PHACTR3: variants seen among roughly 807,000 people sequenced by gnomAD.
PHACTR3 encodes phosphatase and actin regulator 3.
In PHACTR3, 16 loss-of-function variants were observed where a neutral mutation model predicts 66.8. That is an observed-to-expected ratio of 0.24 (90% CI 0.16 to 0.36). The LOEUF is 0.36. Ranked by LOEUF, PHACTR3 falls within the 10% of genes least tolerant of loss-of-function variation. The pLI is 1.00. For synonymous variants in PHACTR3, 323 were observed against 292.1 expected, an observed-to-expected ratio of 1.11 and a Z score of -1.08; for missense variants, 647 against 719.9, an observed-to-expected ratio of 0.90 and a Z score of 1.16.
intron 8 of PHACTR3, among the ~76,000 whole-genome samples, chr20:59,834,541 T>TAC (rs2042471179): frequency 6.6e-6 from 1 of 152,234 alleles, no homozygotes; most frequent in Non-Finnish European, 1.5e-5. Flanking sequence ...ACCAAGTGGA[T>TAC]TCTGTGTAAC....
At chr20:59,608,836 G>T (rs1250243366) in intron 1 of PHACTR3, among the ~76,000 whole-genome samples, 1 of 152,124 alleles carries the variant, frequency 6.6e-6, no homozygotes, top group Non-Finnish European at 1.5e-5. Context: ...TTTGCTCCTG[G>T]CACTCTTCAA....
chr20:59,732,329 C>T (rs2038795232), intron 1 of PHACTR3, among the ~76,000 whole-genome samples: 1 of 152,160 alleles, frequency 6.6e-6, no homozygotes, highest in African/African-American at 2.4e-5. Context: ...GTGCTCTGAG[C>T]CTCTACTTTT....
intron 1 of PHACTR3, among the ~76,000 whole-genome samples, chr20:59,657,159 T>A (rs1201737086): frequency 6.6e-6 from 1 of 152,068 alleles, no homozygotes; most frequent in Non-Finnish European, 1.5e-5. Context: ...TTGTGTCATT[T>A]TCTTACTCCA....
chr20:59,693,430 G>A (rs1412805344), intron 1 of PHACTR3, among the ~76,000 whole-genome samples: 1 of 152,190 alleles, frequency 6.6e-6, no homozygotes, highest in Admixed American at 6.5e-5. Context: ...TTGGGACAGT[G>A]ATGTTTGACT....
chr20:59,834,811 T>C (rs2042479854), intron 8 of PHACTR3, among the ~76,000 whole-genome samples: 1 of 152,254 alleles, frequency 6.6e-6, no homozygotes, highest in South Asian at 2.1e-4. Flanking sequence ...TTTGTTCATT[T>C]GTCTGCCTTT....
intron 3 of PHACTR3, among the ~76,000 whole-genome samples, chr20:59,753,990 C>A (rs2039691917): frequency 6.6e-6 from 1 of 152,236 alleles, no homozygotes; most frequent in Non-Finnish European, 1.5e-5. Context: ...CAAACGGCCA[C>A]CTCGTGGCTG....
intron 1 of PHACTR3, among the ~76,000 whole-genome samples, chr20:59,643,565 T>A (rs1283727801): frequency 1.3e-5 from 2 of 152,252 alleles, no homozygotes; most frequent in Admixed American, 1.3e-4. Context: ...ATTTGCTCGT[T>A]CTTCACAGGA....
chr20:59,602,439 C>CAA (rs11477953), upstream of PHACTR3, among the ~76,000 whole-genome samples: 1,675 of 85,908 alleles, frequency 0.019, 43 homozygotes, highest in African/African-American at 0.054. Flanking sequence ...AAAACTCTTT[C>CAA]AAAAAAAAAA....
chr20:59,688,603 G>A (rs535029065), intron 1 of PHACTR3, among the ~76,000 whole-genome samples: 2 of 152,218 alleles, frequency 1.3e-5, no homozygotes, highest in South Asian at 2.1e-4. Context: ...CCTACAGTAC[G>A]TGTTTTGTGT....
At chr20:59,761,632 A>C (rs1189349624) in intron 4 of PHACTR3, among the ~76,000 whole-genome samples, 1 of 152,202 alleles carries the variant, frequency 6.6e-6, no homozygotes, top group Non-Finnish European at 1.5e-5. Context: ...CTTAGCCTGG[A>C]AAGACAAAAA....
intron 9 of PHACTR3, among the ~76,000 whole-genome samples, chr20:59,838,959 T>C (rs2059012213): frequency 6.6e-6 from 1 of 151,840 alleles, no homozygotes; most frequent in Admixed American, 6.6e-5. Flanking sequence ...AAAGCAGCAC[T>C]CTGACAGGAA....
At chr20:59,617,760 C>T (rs113698488) in intron 1 of PHACTR3, among the ~76,000 whole-genome samples, 33 of 152,332 alleles carry the variant, frequency 2.2e-4, no homozygotes, top group Admixed American at 5.9e-4. Flanking sequence ...GCATAGCTCA[C>T]GGCACGTGTC....
intron 10 of PHACTR3, 103 bp downstream of exon 10, chr20:59,840,533 T>C (rs572467501): frequency 3.3e-6 from 5 of 1,502,480 alleles, no homozygotes; most frequent in African/African-American, 2.8e-5. Flanking sequence ...TCTGTGATCA[T>C]GAATAATGTT....
chr20:59,766,831 A>T (rs144260611), intron 4 of PHACTR3, among the ~76,000 whole-genome samples: 1 of 152,214 alleles, frequency 6.6e-6, no homozygotes, highest in East Asian at 1.9e-4. Flanking sequence ...TTAGTAACTT[A>T]AGGTCCAAGA....
At chr20:59,822,320 T>C (rs1286271419) in intron 8 of PHACTR3, among the ~76,000 whole-genome samples, 1 of 133,130 alleles carries the variant, frequency 7.5e-6, no homozygotes, top group Non-Finnish European at 1.6e-5. Context: ...AACAGATGTT[T>C]CCTGAACAGC....
At chr20:59,816,999 C>A (rs2041904491) in intron 8 of PHACTR3, among the ~76,000 whole-genome samples, 1 of 152,172 alleles carries the variant, frequency 6.6e-6, no homozygotes, top group Non-Finnish European at 1.5e-5. Context: ...ACCCTAATAT[C>A]TGTCCATCCA....
intron 1 of PHACTR3, among the ~76,000 whole-genome samples, chr20:59,680,135 C>G (rs1475604683): frequency 6.6e-6 from 1 of 152,022 alleles, no homozygotes; most frequent in Non-Finnish European, 1.5e-5. Flanking sequence ...GACTCTGGGT[C>G]AAAGGACCCT....
At chr20:59,711,398 A>G (rs946138973) in intron 1 of PHACTR3, among the ~76,000 whole-genome samples, 2 of 152,146 alleles carry the variant, frequency 1.3e-5, no homozygotes, top group African/African-American at 4.8e-5. Context: ...TCCCATATGT[A>G]CTGTAAGCTC....
chr20:59,635,201 TTTCTTTCCTTCCTTCCTTCC>T (rs2034846574), intron 1 of PHACTR3, among the ~76,000 whole-genome samples: 16 of 29,314 alleles, frequency 5.5e-4, no homozygotes, highest in Admixed American at 7.9e-4. Flanking sequence ...TTTCTCTTTC[TTTCTTTCCTTCCTTCCTTCC>T]TTCTTTCTTT....
Sources: allele counts gnomAD v4.1 joint callset (sites outside exome capture counted in the v4.1 genomes callset), GRCh38; gene constraint gnomAD v4.1.1; transcripts MANE v1.5; gene names NCBI Gene and HGNC (gene_info 2026-07-23, HGNC 2026-07-21).